The following ICMT variants were observed in gnomAD, a reference collection of about 807,000 sequenced individuals.
ICMT encodes isoprenylcysteine carboxyl methyltransferase.
ICMT carries 10 observed loss-of-function variants against 32.2 expected under a neutral mutation model. The observed-to-expected ratio is 0.31, with a 90% CI of 0.19 to 0.53. The LOEUF is 0.53. Among genes scored for constraint, ICMT ranks in the 20% least tolerant of loss-of-function variants. ICMT has a pLI of 0.96. For synonymous variants in ICMT, 183 were observed against 158.2 expected (o/e 1.16, Z -1.18); for missense variants, 265 against 356.9 (o/e 0.74, Z 2.07).
chr1:6,231,423 A>C (rs761491581), intron 4 of ICMT, among the ~76,000 whole-genome samples: 4 of 152,162 alleles, frequency 2.6e-5, no homozygotes, highest in Non-Finnish European at 5.9e-5. Context: ...GGGCAGAGAA[A>C]GGGAGAGGCA....
intron 4 of ICMT, 114 bp from the exon 5 acceptor site, chr1:6,225,376 C>T: frequency 1.0e-6 from 1 of 979,666 alleles, no homozygotes; most frequent in South Asian, 1.6e-5. Flanking sequence ...CCTGCTGAGA[C>T]CGTCAGGGTC....
At chr1:6,231,200 A>AGAAAC (rs1557602500) in intron 4 of ICMT, among the ~76,000 whole-genome samples, 1 of 152,086 alleles carries the variant, frequency 6.6e-6, no homozygotes. Flanking sequence ...AGAAAAGAAA[A>AGAAAC]GAAACGAAAC....
intron 4 of ICMT, among the ~76,000 whole-genome samples, chr1:6,225,951 C>G (rs1668639971): frequency 6.6e-6 from 1 of 151,924 alleles, no homozygotes; most frequent in South Asian, 2.1e-4. Context: ...ACTGCTTGGG[C>G]TCAAGTGATT....
intron 1 of ICMT, 117 bp from the exon 2 acceptor site, chr1:6,235,091 G>A (rs1668799727): frequency 3.9e-6 from 3 of 769,548 alleles, no homozygotes; most frequent in Non-Finnish European, 6.5e-6. Flanking sequence ...ATTTGCTGAG[G>A]TTGAAAGGGA....
intron 2 of ICMT, chr1:6,234,487 G>C: frequency 2.0e-6 from 1 of 492,574 alleles, no homozygotes; most frequent in South Asian, 1.5e-5. Flanking sequence ...TCCTACAGTG[G>C]CTGTGGGGAT....
At chr1:6,225,626 G>A (rs1201999322) in intron 4 of ICMT, among the ~76,000 whole-genome samples, 2 of 151,788 alleles carry the variant, frequency 1.3e-5, no homozygotes, top group African/African-American at 2.4e-5. Flanking sequence ...AAATGCATTC[G>A]CTTACACCAC....
chr1:6,232,881 G>A (rs930892808), intron 3 of ICMT, among the ~76,000 whole-genome samples: 2 of 149,522 alleles, frequency 1.3e-5, no homozygotes, highest in African/African-American at 2.5e-5. Context: ...TTTTGAGATG[G>A]GAGTCTCGCT....
At chr1:6,233,282 GTCC>G (rs1389882657) in intron 3 of ICMT, among the ~76,000 whole-genome samples, 189 bp downstream of exon 3, 1 of 152,260 alleles carries the variant, frequency 6.6e-6, no homozygotes, top group African/African-American at 2.4e-5. Context: ...AGGTCAGCAC[GTCC>G]TCGAGTCAAT....
At chr1:6,233,179 A>C (rs1460249354) in intron 3 of ICMT, among the ~76,000 whole-genome samples, 1 of 152,250 alleles carries the variant, frequency 6.6e-6, no homozygotes, top group Non-Finnish European at 1.5e-5. Context: ...GAAACGTCTA[A>C]ATATCATCTG....
At chr1:6,228,739 T>C (rs112496879) in intron 4 of ICMT, among the ~76,000 whole-genome samples, 3 of 151,976 alleles carry the variant, frequency 2.0e-5, no homozygotes, top group African/African-American at 4.8e-5. Context: ...AAAAAAGAAA[T>C]ATGCGGGTTG....
rs1264024386 is a variant in ICMT at position 6,225,062 on chromosome 1, C to T, written c.*18G>A. 3.7e-6 allele frequency: 6 copies of T among 1,606,460 alleles called. 1 individual carries two copies. In the South Asian group the frequency reaches 5.6e-5, roughly 15 times the overall value. On this transcript the variant is annotated 3_prime_UTR_variant, in exon 5 of 5. Transcript: ENST00000343813. ...TGCACAGGGTCGGAGGCCCCAAGGT[C>T]ACCGGGGCCACTGCCCGTCACAGGT...
chr1:6,234,652 C>T (rs1481635921), intron 2 of ICMT: 2 of 561,390 alleles, frequency 3.6e-6, no homozygotes, highest in East Asian at 6.6e-5. Context: ...ATGACAGCAC[C>T]TTTGGGGGTG....
chr1:6,235,009 A>G (rs771526458), intron 1 of ICMT, 35 bp from the exon 2 acceptor site: 2 of 1,541,364 alleles, frequency 1.3e-6, no homozygotes, highest in East Asian at 2.2e-5. Flanking sequence ...AGTCATTCAC[A>G]GTCCTCAGAG....
chr1:6,232,322 A>G (rs1668750303), intron 3 of ICMT, among the ~76,000 whole-genome samples: 1 of 152,190 alleles, frequency 6.6e-6, no homozygotes, highest in Non-Finnish European at 1.5e-5. Context: ...ACTTTAAAAC[A>G]CCAATAAGCA....
chr1:6,229,038 A>G lies in ICMT; in HGVS notation c.672+2864T>C, dbSNP rs1668689118. ...ACAAAGTGAGACTCTGTCTCAAAAA[A>G]AAAAAAGAAAGAAAAAGAAATACAT... On this transcript the variant is annotated intron_variant, in intron 4 of 4. Transcript: ENST00000343813. 3.4e-5 allele frequency among the ~76,000 whole-genome samples: 5 copies of G among 148,336 alleles called. 1 individual carries two copies. The highest frequency in any genetic ancestry group is 3.4e-4 in the Admixed American group (5 of 14,844).
intron 4 of ICMT, among the ~76,000 whole-genome samples, chr1:6,227,805 G>A (rs532460867): frequency 2.6e-5 from 4 of 151,602 alleles, no homozygotes; most frequent in Non-Finnish European, 4.4e-5. Context: ...GCAGTGAGCC[G>A]AGATTGCGCC....
rs965870985 is a variant in ICMT at position 6,221,859 on chromosome 1, C to G, written c.*3221G>C. On this transcript the variant is annotated 3_prime_UTR_variant, in exon 5 of 5. Transcript: ENST00000343813. ...CCCTCACGAAAGGCTTCACTCTATG[C>G]TGTTTCCAGGTAGCTTTGTTCTGAC... 9.2e-5 allele frequency: 14 copies of G among 152,240 alleles called. No homozygotes were observed. The highest frequency in any genetic ancestry group is 3.4e-4 in the African/African-American group (14 of 41,462). The allele number at this position is 152,240 out of a possible 1,614,324, so 9.4% of individuals were successfully genotyped here.
rs1340485768 is a variant in ICMT at position 6,222,812 on chromosome 1, G to C, written c.*2268C>G. 6.6e-6 allele frequency: 1 copy of C among 152,280 alleles called. No individual in the cohort carries two copies. Among genetic ancestry groups the C allele is most frequent in the Non-Finnish European group, 1.5e-5 (1 of 68,080 alleles). 9.4% of individuals were successfully genotyped at this position (152,280 alleles called of 1,614,324 possible). A position where few individuals can be genotyped will look rare whatever the true frequency, so the allele number is the denominator to read the frequency against. ...ATGGAGGCTGGGCCCGCCCTACTTA[G>C]AGCAGGGGAAAGAACTTTTCCCTCA... On this transcript the variant is annotated 3_prime_UTR_variant, in exon 5 of 5. Coordinates refer to ENST00000343813, the MANE Select transcript of ICMT (RefSeq NM_012405.4).
At chr1:6,234,776 G>C (rs2100970327) in intron 2 of ICMT, 110 bp downstream of exon 2, 1 of 841,258 alleles carries the variant, frequency 1.2e-6, no homozygotes, top group East Asian at 2.4e-5. Flanking sequence ...AGAGAACCCT[G>C]AACAGCCTTC....
Sources: allele counts gnomAD v4.1 joint callset (sites outside exome capture counted in the v4.1 genomes callset), GRCh38; gene constraint gnomAD v4.1.1; transcripts MANE v1.5; gene names NCBI Gene and HGNC (gene_info 2026-07-23, HGNC 2026-07-21).